Variants in ARHGEF4 observed in about 807,000 individuals in gnomAD.
ARHGEF4 encodes the protein Rho guanine nucleotide exchange factor 4, also known as APC-stimulated guanine nucleotide exchange factor 1.
Under a neutral mutation model 162.0 loss-of-function variants are expected in ARHGEF4, and 119 were observed. The observed-to-expected ratio is 0.73, with a 90% CI of 0.63 to 0.86. The LOEUF is 0.86. ARHGEF4 is among the 40% of genes least tolerant of loss of function. The probability of loss-of-function intolerance (pLI) is 0.00; values close to 1 mark genes in which losing one functional copy is unlikely to be tolerated. For missense variants in ARHGEF4, 2,488 were observed against 2,456.0 expected, an observed-to-expected ratio of 1.01 and a Z score of -0.28; for synonymous variants, 1,014 against 979.9, an observed-to-expected ratio of 1.03 and a Z score of -0.65.
chr2:130,929,521 C>A (rs891787794), intron 2 of ARHGEF4, among the ~76,000 whole-genome samples: 5 of 152,148 alleles, frequency 3.3e-5, no homozygotes, highest in African/African-American at 1.2e-4. Flanking sequence ...CTAATCACTT[C>A]CAGAATAAGG....
At chr2:130,867,766 T>A (rs939102066) in intron 1 of ARHGEF4, among the ~76,000 whole-genome samples, 4 of 152,046 alleles carry the variant, frequency 2.6e-5, no homozygotes. Context: ...CTACCAGAGA[T>A]AAGATGAGGA....
In ARHGEF4 at chr2:130,915,983, T is replaced by C; in HGVS notation, c.2037T>C (p.Thr679=). The C allele has an allele frequency of 6.4e-7, 1 of 1,550,480 alleles. No homozygotes were observed. The highest frequency in any genetic ancestry group is 8.7e-7 in the Non-Finnish European group (1 of 1,146,952). The change falls in exon 2 of 14, where the codon ACT becomes ACC. Residue 679 remains threonine (T), a synonymous_variant. Transcript: ENST00000409359. ...GCGAGACCCCCTGTGAGTCTCCCAC[T>C]AGGGGGAAAACACCAGCCGGTAATG... ...STGETPCESP[T]RGKTPAGNEC... is the part of the protein sequence containing the mutation.
intron 4 of ARHGEF4, among the ~76,000 whole-genome samples, chr2:130,960,800 G>C (rs1684580633): frequency 6.6e-6 from 1 of 152,108 alleles, no homozygotes; most frequent in Non-Finnish European, 1.5e-5. Flanking sequence ...GTTAATTTCA[G>C]CTGTCCTCAC....
chr2:130,879,772 AT>A (rs990849244), intron 1 of ARHGEF4, among the ~76,000 whole-genome samples: 4 of 149,378 alleles, frequency 2.7e-5, no homozygotes, highest in Non-Finnish European at 5.9e-5. Context: ...TTTCTTCTTT[AT>A]TTTTTTATTT....
At chr2:130,965,524 C>T (rs1203554813) in intron 4 of ARHGEF4, among the ~76,000 whole-genome samples, 3 of 152,238 alleles carry the variant, frequency 2.0e-5, no homozygotes, top group African/African-American at 4.8e-5. Flanking sequence ...TTTCCCTCCT[C>T]TCTGGAGCTT....
At chr2:130,986,750 A>G (rs144933967) in intron 4 of ARHGEF4, among the ~76,000 whole-genome samples, 2 of 152,278 alleles carry the variant, frequency 1.3e-5, no homozygotes, top group East Asian at 3.9e-4. Context: ...CAGAAATAAT[A>G]ATTTGGGGGA....
intron 1 of ARHGEF4, among the ~76,000 whole-genome samples, chr2:130,890,442 G>A (rs1024168123): frequency 1.3e-5 from 2 of 151,858 alleles, no homozygotes. Context: ...GGTGCCTGTA[G>A]TCCCAGGTAC....
chr2:131,017,719 A>G (rs563033297), intron 4 of ARHGEF4, among the ~76,000 whole-genome samples: 11 of 152,322 alleles, frequency 7.2e-5, no homozygotes, highest in South Asian at 4.1e-4. Flanking sequence ...GACATATACT[A>G]TGCTATTCAC....
intron 4 of ARHGEF4, chr2:130,964,120 G>GCC: frequency 1.0e-6 from 1 of 959,172 alleles, no homozygotes; most frequent in Middle Eastern, 5.3e-4. Context: ...CAGCAGCAGC[G>GCC]CCGGGCTGTC....
intron 4 of ARHGEF4, among the ~76,000 whole-genome samples, chr2:130,983,597 C>G (rs1193885665): frequency 1.3e-5 from 2 of 151,942 alleles, no homozygotes; most frequent in Admixed American, 6.6e-5. Context: ...ATAGCTTGGA[C>G]TTAATTTACT....
intron 4 of ARHGEF4, among the ~76,000 whole-genome samples, chr2:130,980,376 T>A (rs1331805890): frequency 1.5e-5 from 2 of 129,788 alleles, no homozygotes; most frequent in African/African-American, 2.9e-5. Context: ...TGTGACAGAG[T>A]ATGACCATGT....
Position 130,943,679 on chromosome 2 carries a change from G to A in ARHGEF4, c.3859-2830G>A, listed in dbSNP as rs538035293. ...GTTAGAATTAGTATTTTCCCACTTC[G>A]AGTGGAAGGAATGTAGACATCTTCC... On this transcript the variant is annotated intron_variant, in intron 3 of 13. Transcript: ENST00000409359. Among the ~76,000 whole-genome samples, 3 of 152,030 alleles carry A rather than the reference G, an allele frequency of 2.0e-5. No individual in the cohort carries two copies. In the South Asian group the frequency reaches 6.2e-4, roughly 32 times the overall value.
chr2:130,930,874 G>A (rs555232148), intron 2 of ARHGEF4, 78 bp from the exon 3 acceptor site: 2 of 1,404,780 alleles, frequency 1.4e-6, no homozygotes, highest in African/African-American at 2.9e-5. Flanking sequence ...AAAGGAACTA[G>A]GCAGAGGAAG....
chr2:130,931,271 G>C lies in ARHGEF4; in HGVS notation c.3858+14G>C. 2 of 1,585,364 alleles carry C rather than the reference G, an allele frequency of 1.3e-6. No homozygotes were observed. The highest frequency in any genetic ancestry group is 1.7e-6 in the Non-Finnish European group (2 of 1,163,104). On this transcript the variant is annotated intron_variant, in intron 3 of 13. Transcript: ENST00000409359. ...GATGGAGTCAAGGTAAGCCACTCCC[G>C]GCCAGGAGTCCTCAGACTTGGTCTG...
chr2:131,033,740 G>A (rs1428168580), intron 5 of ARHGEF4, among the ~76,000 whole-genome samples: 1 of 152,104 alleles, frequency 6.6e-6, no homozygotes, highest in Non-Finnish European at 1.5e-5. Flanking sequence ...CTAAAGAACT[G>A]GGCATGAGCA....
chr2:131,014,870 C>T (rs147332653), intron 4 of ARHGEF4, among the ~76,000 whole-genome samples: 13 of 152,214 alleles, frequency 8.5e-5, no homozygotes, highest in Non-Finnish European at 1.8e-4. Context: ...CAAGGGGGTC[C>T]TCCTTGTGTA....
At chr2:131,043,342 C>G in intron 10 of ARHGEF4, 110 bp from the exon 11 acceptor site, 7 of 1,459,968 alleles carry the variant, frequency 4.8e-6, no homozygotes, top group Non-Finnish European at 6.6e-6. Context: ...GCCAGGTGGG[C>G]GCTGCAGGCA....
intron 1 of ARHGEF4, among the ~76,000 whole-genome samples, chr2:130,893,909 G>T (rs1234119008): frequency 6.6e-6 from 1 of 152,218 alleles, no homozygotes; most frequent in East Asian, 1.9e-4. Context: ...GACAAGACCT[G>T]GTGAGACCTA....
At chr2:130,886,018 T>G (rs1679500434) in intron 1 of ARHGEF4, among the ~76,000 whole-genome samples, 1 of 152,090 alleles carries the variant, frequency 6.6e-6, no homozygotes, top group Non-Finnish European at 1.5e-5. Flanking sequence ...TGGAAACCCC[T>G]TCCCAGTCTG....
Sources: gnomAD v4.1 joint callset for allele counts (sites outside exome capture counted in the v4.1 genomes callset) on GRCh38, gnomAD v4.1.1 for gene constraint, MANE v1.5 for transcripts, NCBI Gene and HGNC (gene_info 2026-07-23, HGNC 2026-07-21) for gene names.